The following ZDBF2 variants were observed in gnomAD, a reference collection of about 807,000 sequenced individuals.
ZDBF2 encodes the protein DBF4-type zinc finger-containing protein 2.
ZDBF2 carries 6 observed loss-of-function variants against 9.4 expected under a neutral mutation model. The ratio of observed to expected loss-of-function variants is 0.64; its 90% confidence interval spans 0.35 to 1.27. The LOEUF (loss-of-function observed/expected upper bound fraction) is 1.27. ZDBF2 is among the 50% of genes most tolerant of loss of function. The pLI, the probability that ZDBF2 is intolerant of heterozygous loss-of-function variation, is 0.03. For missense variants in ZDBF2, 2,697 were observed against 2,766.8 expected (o/e 0.97, Z 0.57); for synonymous variants, 905 against 946.3 (o/e 0.96, Z 0.80).
chr2:206,294,939 T>G (rs528945559), intron 3 of ZDBF2, among the ~76,000 whole-genome samples: 2 of 152,314 alleles, frequency 1.3e-5, no homozygotes, highest in African/African-American at 2.4e-5. Context: ...TTTGTCCCCT[T>G]TAATCACCAG....
At chr2:206,288,763 A>G (rs1157621537) in intron 3 of ZDBF2, among the ~76,000 whole-genome samples, 2 of 152,138 alleles carry the variant, frequency 1.3e-5, no homozygotes, top group African/African-American at 4.8e-5. Context: ...CCTGAAGGGC[A>G]GGGCACAGCA....
chr2:206,294,629 G>A (rs1692073906), intron 3 of ZDBF2, among the ~76,000 whole-genome samples: 1 of 152,084 alleles, frequency 6.6e-6, no homozygotes, highest in South Asian at 2.1e-4. Flanking sequence ...AGTTTTTCGA[G>A]CCCTTTCCCC....
chr2:206,289,099 G>A (rs550317205), intron 3 of ZDBF2, among the ~76,000 whole-genome samples: 13 of 152,232 alleles, frequency 8.5e-5, no homozygotes, highest in South Asian at 2.1e-4. Context: ...GTGTCTAAGC[G>A]TAGCCACTGC....
chr2:206,311,287 AT>A lies in ZDBF2; in HGVS notation c.6760del (p.Ser2254LeufsTer6), dbSNP rs1693173039. 1 of 1,608,086 alleles carries A rather than the reference AT, an allele frequency of 6.2e-7. No individual in the cohort carries two copies. Among genetic ancestry groups the A allele is most frequent in the Non-Finnish European group, 8.5e-7 (1 of 1,176,714 alleles). On this transcript the variant is annotated frameshift_variant, in exon 5 of 5. Coordinates refer to ENST00000374423, the MANE Select transcript of ZDBF2 (RefSeq NM_020923.3). LOFTEE classifies it low-confidence loss of function (END_TRUNC). Reference protein sequence around the residue: ...FLGRYLKKKKSVVSRLKKAKR... With the variant: ...FLGRYLKKKKXVVSRLKKAKR... Reference sequence around the variant, plus strand: ...TTGGAAGGTATCTGAAGAAGAAAAAATCTGTTGTCAGTAGGCTAAAGAAGGC... The same window carrying A: ...TTGGAAGGTATCTGAAGAAGAAAAAACTGTTGTCAGTAGGCTAAAGAAGGC...
At position 206,310,051 on chromosome 2, in the gene ZDBF2, A is replaced by C; in HGVS notation, c.5523A>C (p.Ile1841=). The C allele has an allele frequency of 6.2e-7, 1 of 1,613,856 alleles. No homozygotes were observed. The highest frequency in any genetic ancestry group is 1.1e-5 in the South Asian group (1 of 91,030). ...TWSQIMREDD[I]KINALVKEFR... ...CTCAGATAATGAGAGAAGATGACATAAAAATTAATGCTCTGGTGAAGGAGT... is the reference window on the plus strand; with the variant it reads ...CTCAGATAATGAGAGAAGATGACATCAAAATTAATGCTCTGGTGAAGGAGT... The change falls in exon 5 of 5, where the codon ATA becomes ATC. Residue 1841 remains isoleucine, a synonymous_variant. Coordinates refer to ENST00000374423, the MANE Select transcript of ZDBF2 (RefSeq NM_020923.3).
intron 1 of ZDBF2, among the ~76,000 whole-genome samples, chr2:206,276,190 TTAAC>T (rs1207802502): frequency 1.3e-5 from 2 of 152,194 alleles, no homozygotes; most frequent in African/African-American, 4.8e-5. Context: ...GAAAAATATT[TTAAC>T]TGTGCGCGTG....
intron 3 of ZDBF2, among the ~76,000 whole-genome samples, chr2:206,285,403 T>C (rs960639921): frequency 6.6e-6 from 1 of 152,194 alleles, no homozygotes; most frequent in African/African-American, 2.4e-5. Flanking sequence ...ATTAGTGATG[T>C]TGAACATTTT....
At position 206,281,697 on chromosome 2, in the gene ZDBF2, C is replaced by A. The variant is rs931970053; in HGVS notation, c.-49-104C>A. 1.5e-5 allele frequency: 10 copies of A among 663,600 alleles called. No homozygotes were observed. The Admixed American group carries it at 3.2e-4, about 21-fold the overall frequency. 41.1% of individuals were successfully genotyped at this position (663,600 alleles called of 1,614,324 possible). On this transcript the variant is annotated intron_variant, in intron 2 of 4. Transcript: ENST00000374423. ...GCTCATGGCAGCCTTGTATATTTTC[C>A]TAATTATTAGAAGTGAATTTCTGTT...
At chr2:206,304,639 A>G in intron 4 of ZDBF2, 78 bp from the exon 5 acceptor site, 2 of 1,496,590 alleles carry the variant, frequency 1.3e-6, no homozygotes, top group Non-Finnish European at 1.8e-6. Context: ...GAAAGCAAAT[A>G]ACATTTATTA....
intron 3 of ZDBF2, among the ~76,000 whole-genome samples, chr2:206,296,590 T>A (rs1692191840): frequency 1.3e-5 from 2 of 152,130 alleles, no homozygotes; most frequent in Admixed American, 1.3e-4. Context: ...CCACTGGGGG[T>A]CTTGGAACAA....
In ZDBF2 at chr2:206,306,298, G is replaced by A. The variant is rs187930886; in HGVS notation, c.1770G>A (p.Glu590=). Residue 590 remains glutamate (E), a synonymous_variant, in exon 5 of 5, where the codon GAG becomes GAA. Transcript: ENST00000374423. ...GTTTTGATTGTGATGTTTCTCTTGA[G>A]TCAGTAGTTGATCATCCCCAACTGA... The part of the protein sequence containing the change: ...ETSFDCDVSL[E]SVVDHPQLTV... 25 of 1,613,690 alleles carry A rather than the reference G, an allele frequency of 1.5e-5. No individual in the cohort carries two copies. In the Admixed American group the frequency reaches 4.0e-4, roughly 26 times the overall value.
At chr2:206,280,666 A>G (rs757756718) in intron 2 of ZDBF2, among the ~76,000 whole-genome samples, 3 of 152,210 alleles carry the variant, frequency 2.0e-5, no homozygotes, top group Non-Finnish European at 4.4e-5. Flanking sequence ...AAATGTGAGA[A>G]GTCAGAAAAT....
At position 206,310,031 on chromosome 2, in the gene ZDBF2, A is replaced by G. The variant is rs777050534; in HGVS notation, c.5503A>G (p.Ile1835Val). The G allele has an allele frequency of 1.4e-5, 22 of 1,613,516 alleles. No homozygotes were observed. The highest frequency in any genetic ancestry group is 1.6e-4 in the Middle Eastern group (1 of 6,082). ...PSFVGKTWSQ[I>V]MREDDIKINA... ...ATTTGTGGGGAAAACATGGTCTCAG[A>G]TAATGAGAGAAGATGACATAAAAAT... The change falls in exon 5 of 5, where the codon ATA (isoleucine) becomes GTA (valine). Residue 1835 changes from isoleucine to valine, a missense_variant. This residue lies in a region of ZDBF2 where 1,783 missense variants were observed against 1,776.5 expected (regional missense o/e 1.00). Coordinates refer to ENST00000374423, the MANE Select transcript of ZDBF2 (RefSeq NM_020923.3).
At chr2:206,294,320 G>A (rs1692054004) in intron 3 of ZDBF2, among the ~76,000 whole-genome samples, 1 of 152,154 alleles carries the variant, frequency 6.6e-6, no homozygotes, top group South Asian at 2.1e-4. Context: ...TGTGATAGTT[G>A]ATTGAGCTGT....
Position 206,309,168 on chromosome 2 carries a change from A to C in ZDBF2, c.4640A>C (p.Gln1547Pro). The C allele has an allele frequency of 6.2e-7, 1 of 1,611,126 alleles. No homozygotes were observed. The highest frequency in any genetic ancestry group is 1.7e-5 in the Admixed American group (1 of 59,536). Residue 1547 changes from glutamine to proline, a missense_variant, in exon 5 of 5, where the codon CAG becomes CCG. Physicochemically the swap from Gln to Pro is moderately conservative, Grantham distance 76. Transcript: ENST00000374423. ...GTAATTTCAGATGATATTCCCCTTCAGTTAGTGACTGACCCACCTCAGTTG... is the reference window on the plus strand; with the variant it reads ...GTAATTTCAGATGATATTCCCCTTCCGTTAGTGACTGACCCACCTCAGTTG... ...YEVISDDIPL[Q>P]LVTDPPQLTV...
chr2:206,306,993 A>G lies in ZDBF2; in HGVS notation c.2465A>G (p.Asn822Ser), dbSNP rs1333353330. The change falls in exon 5 of 5, where the codon AAT becomes AGT. Residue 822 changes from asparagine to serine, a missense_variant. Physicochemically the swap from Asn to Ser is conservative, Grantham distance 46 (BLOSUM62 1). Transcript: ENST00000374423. ...ACTGTTGATCTGGAAAGTAAAAGTA[A>G]TGAATCTTGTGTCTCTGAAATAACT... is the stretch of plus-strand genomic sequence containing the variant. Reference protein sequence around the residue: ...EETVDLESKSNESCVSEITFD... With the variant: ...EETVDLESKSSESCVSEITFD... 3 of 1,613,612 alleles carry G rather than the reference A, an allele frequency of 1.9e-6. No individual in the cohort carries two copies. The highest frequency in any genetic ancestry group is 1.7e-5 in the Admixed American group (1 of 59,954).
rs1425114067 is a variant in ZDBF2, at chr2:206,311,424, G to A, written c.6896G>A (p.Cys2299Tyr). ...CCAAAGCGACCTGTGCGGGCTTCTT[G>A]CCGCGTTGCAAGAAGGAGGAAGAAG... Reference protein sequence around the residue: ...PPPKRPVRASCRVARRRKKTD... With the variant: ...PPPKRPVRASYRVARRRKKTD... The change falls in exon 5 of 5, where the codon TGC becomes TAC. Residue 2299 changes from cysteine (C) to tyrosine (Y), a missense_variant. Cys to Tyr is a radical substitution (Grantham distance 194). Around this residue, in one of 3 missense-constraint regions of ZDBF2, gnomAD observed 1,783 missense variants for 1,776.5 expected, o/e 1.00. Transcript: ENST00000374423. 1.2e-6 allele frequency: 2 copies of A among 1,610,656 alleles called. No individual in the cohort carries two copies. The highest frequency in any genetic ancestry group is 2.2e-5 in the East Asian group (1 of 44,868).
rs1475184233 is a variant in ZDBF2, at chr2:206,305,144, A to G, written c.616A>G (p.Ser206Gly). 7 of 1,613,890 alleles carry G rather than the reference A, an allele frequency of 4.3e-6. No individual in the cohort carries two copies. The highest frequency in any genetic ancestry group is 3.3e-4 in the Middle Eastern group (2 of 6,062). ...NDRPVTANTT[S>G]LPPAAHLDSV... ...TAGACCAGTTACAGCTAATACAACTAGTTTACCACCAGCAGCTCATTTGGA... is the reference window on the plus strand; with the variant it reads ...TAGACCAGTTACAGCTAATACAACTGGTTTACCACCAGCAGCTCATTTGGA... Residue 206 changes from serine to glycine, a missense_variant, in exon 5 of 5, where the codon AGT becomes GGT. This residue lies in a region of ZDBF2 where 910 missense variants were observed against 973.6 expected (regional missense o/e 0.93). Coordinates refer to ENST00000374423, the MANE Select transcript of ZDBF2 (RefSeq NM_020923.3).
At chr2:206,298,544 A>G (rs1692323822) in intron 4 of ZDBF2, among the ~76,000 whole-genome samples, 1 of 152,084 alleles carries the variant, frequency 6.6e-6, no homozygotes, top group Non-Finnish European at 1.5e-5. Context: ...GTTTTTTGAG[A>G]CGGAGTCTTG....
Sources: allele counts gnomAD v4.1 joint callset (sites outside exome capture counted in the v4.1 genomes callset), GRCh38; gene constraint gnomAD v4.1.1; regional missense constraint gnomAD v4.1.1; transcripts MANE v1.5; gene names NCBI Gene and HGNC (gene_info 2026-07-23, HGNC 2026-07-21).